Variants in CPA6 observed in about 807,000 individuals in gnomAD.
The protein encoded by CPA6 is carboxypeptidase A6, also known as carboxypeptidase B.
CPA6 carries 58 observed loss-of-function variants against 63.3 expected under a neutral mutation model. The ratio of observed to expected loss-of-function variants is 0.92; its 90% confidence interval spans 0.74 to 1.14. The LOEUF is 1.14. Ranked by LOEUF, CPA6 falls within the 50% of genes most tolerant of loss-of-function variation. CPA6 has a pLI of 0.00. For missense variants in CPA6, 565 were observed against 526.6 expected, an observed-to-expected ratio of 1.07 and a Z score of -0.71; for synonymous variants, 185 against 179.0, an observed-to-expected ratio of 1.03 and a Z score of -0.27.
At chr8:67,570,717 T>C (rs926864423) in intron 2 of CPA6, among the ~76,000 whole-genome samples, 7 of 152,008 alleles carry the variant, frequency 4.6e-5, no homozygotes, top group African/African-American at 1.7e-4. Flanking sequence ...TTTAAAAAGA[T>C]TCAGAACATA....
intron 1 of CPA6, among the ~76,000 whole-genome samples, chr8:67,736,066 G>A (rs979021587): frequency 1.2e-4 from 19 of 152,074 alleles, no homozygotes; most frequent in African/African-American, 3.4e-4. Flanking sequence ...GTCATCTCCT[G>A]TCTCTCTTCA....
intron 2 of CPA6, among the ~76,000 whole-genome samples, chr8:67,582,580 G>A (rs371135655): frequency 6.6e-6 from 1 of 152,174 alleles, no homozygotes; most frequent in African/African-American, 2.4e-5. Context: ...TGCCTGGAGG[G>A]TTAGGCAGGC....
At chr8:67,646,083 C>G (rs1185574939) in intron 1 of CPA6, among the ~76,000 whole-genome samples, 18 of 152,202 alleles carry the variant, frequency 1.2e-4, no homozygotes, top group Non-Finnish European at 1.8e-4. Flanking sequence ...TGAAGAACCT[C>G]TAACTTCATT....
chr8:67,661,278 C>T (rs1199694129), intron 1 of CPA6, among the ~76,000 whole-genome samples: 3 of 152,074 alleles, frequency 2.0e-5, no homozygotes, highest in South Asian at 2.1e-4. Flanking sequence ...GAGGCCAAGA[C>T]GTGGGAACGC....
chr8:67,704,204 T>A (rs1817084450), intron 1 of CPA6, among the ~76,000 whole-genome samples: 1 of 152,238 alleles, frequency 6.6e-6, no homozygotes, highest in Admixed American at 6.5e-5. Flanking sequence ...TTCAAGCATT[T>A]GTTCTGTATG....
intron 2 of CPA6, among the ~76,000 whole-genome samples, chr8:67,584,470 C>CT (rs1340697150): frequency 6.6e-6 from 1 of 152,046 alleles, no homozygotes; most frequent in African/African-American, 2.4e-5. Context: ...CCTATTGTGA[C>CT]TATTATAAGG....
chr8:67,706,275 C>T (rs181314334), intron 1 of CPA6, among the ~76,000 whole-genome samples: 176 of 152,150 alleles, frequency 1.2e-3, no homozygotes, highest in Non-Finnish European at 1.9e-3. Flanking sequence ...GTCCCCAAGC[C>T]GTGCTGGTAA....
intron 8 of CPA6, among the ~76,000 whole-genome samples, chr8:67,458,265 C>T (rs1027069334): frequency 3.9e-5 from 6 of 152,256 alleles, no homozygotes; most frequent in South Asian, 2.1e-4. Context: ...GGTGCAATCT[C>T]GGCTCACTGC....
chr8:67,557,598 A>G (rs183280062), intron 2 of CPA6, among the ~76,000 whole-genome samples: 301 of 151,994 alleles, frequency 2.0e-3, no homozygotes, highest in Admixed American at 3.7e-3. Context: ...CCAACCCCCT[A>G]TTTTCAGAGG....
intron 8 of CPA6, among the ~76,000 whole-genome samples, chr8:67,459,084 A>T (rs1810741086): frequency 6.6e-6 from 1 of 152,266 alleles, no homozygotes; most frequent in Non-Finnish European, 1.5e-5. Context: ...ACAAGCATGC[A>T]CATGGACACA....
At chr8:67,600,085 A>G (rs1814454128) in intron 2 of CPA6, among the ~76,000 whole-genome samples, 1 of 151,862 alleles carries the variant, frequency 6.6e-6, no homozygotes, top group Non-Finnish European at 1.5e-5. Flanking sequence ...TTTAATTTTC[A>G]AGGTGTATGT....
intron 6 of CPA6, among the ~76,000 whole-genome samples, chr8:67,494,187 A>G (rs1372025276): frequency 6.6e-6 from 1 of 152,130 alleles, no homozygotes; most frequent in Non-Finnish European, 1.5e-5. Flanking sequence ...GCAAAATTGA[A>G]TTATATTGTC....
In CPA6 at chr8:67,589,306, T is replaced by A. The variant is rs368468824; in HGVS notation, c.192+34870A>T. Among the ~76,000 whole-genome samples the A allele has an allele frequency of 8.1e-4, 123 of 152,294 alleles. 2 individuals are homozygous for A. The South Asian group carries it at 0.024, about 30-fold the overall frequency. ...GTTTTAGGCAGCATAGCATCCCTCT[T>A]CAAAAGGACTTTGTGCAAATGAAAT... On this transcript the variant is annotated intron_variant, in intron 2 of 10. Transcript: ENST00000297770.
At chr8:67,661,837 C>T (rs1044784208) in intron 1 of CPA6, among the ~76,000 whole-genome samples, 1 of 152,168 alleles carries the variant, frequency 6.6e-6, no homozygotes, top group Non-Finnish European at 1.5e-5. Context: ...ACTCTGGGTA[C>T]CTCATGTAAG....
At chr8:67,615,015 G>C (rs1226929335) in intron 2 of CPA6, among the ~76,000 whole-genome samples, 1 of 152,154 alleles carries the variant, frequency 6.6e-6, no homozygotes, top group African/African-American at 2.4e-5. Flanking sequence ...AAATTCGAAT[G>C]ATGTTAGTGA....
In CPA6 at chr8:67,483,833, G is replaced by A. The variant is rs1190105646; in HGVS notation, c.773C>T (p.Ser258Leu). ...ACGGCAGCGAAACCTTGAGTTCCTT[G>A]ACCTTGTTTTTCTCCAAAATCGATC... ...TNDRFWRKTR[S>L]RNSRFRCRGV... Residue 258 changes from serine to leucine, a missense_variant, in exon 8 of 11, where the codon TCA becomes TTA. Transcript: ENST00000297770. 1 of 1,614,048 alleles carries A rather than the reference G, an allele frequency of 6.2e-7. No individual in the cohort carries two copies.
At chr8:67,422,757 A>G (rs1809796768) in intron 10 of CPA6, 66 bp from the exon 11 acceptor site, 2 of 1,200,038 alleles carry the variant, frequency 1.7e-6, no homozygotes, top group Non-Finnish European at 2.3e-6. Flanking sequence ...TTCTAAATGT[A>G]TATACTATAA....
rs147987006 is a variant in CPA6 at position 67,508,209 on chromosome 8, G to T, written c.534+1308C>A. Among the ~76,000 whole-genome samples the T allele has an allele frequency of 2.4e-3, 368 of 152,170 alleles. 1 individual carries two copies. Among genetic ancestry groups the T allele is most frequent in the African/African-American group, 8.4e-3 (349 of 41,544 alleles). On this transcript the variant is annotated intron_variant, in intron 5 of 10. Transcript: ENST00000297770. ...GGCACAGAGAGAAGTTAGGGTAATAGCTATGAGGACAAGAGAAGCAACTGG... is the reference window on the plus strand; with the variant it reads ...GGCACAGAGAGAAGTTAGGGTAATATCTATGAGGACAAGAGAAGCAACTGG...
chr8:67,714,408 G>T (rs1331350110), intron 1 of CPA6, among the ~76,000 whole-genome samples: 1 of 152,204 alleles, frequency 6.6e-6, no homozygotes, highest in Non-Finnish European at 1.5e-5. Context: ...TCCTAATTCT[G>T]AGCTAAAGTC....
Sources: gnomAD v4.1 joint callset for allele counts (sites outside exome capture counted in the v4.1 genomes callset) on GRCh38, gnomAD v4.1.1 for gene constraint, MANE v1.5 for transcripts, NCBI Gene and HGNC (gene_info 2026-07-23, HGNC 2026-07-21) for gene names.